The following F8 variants were observed in gnomAD, a reference collection of about 807,000 sequenced individuals.
The protein encoded by F8 is coagulation factor VIII, also known as antihemophilic factor.
F8 carries 12 observed loss-of-function variants against 140.6 expected under a neutral mutation model. The ratio of observed to expected loss-of-function variants is 0.09; its 90% CI spans 0.05 to 0.14. The LOEUF (loss-of-function observed/expected upper bound fraction) is 0.14, where lower values mean the gene tolerates loss of function less well. Among genes scored for constraint, F8 ranks in the 10% least tolerant of loss-of-function variants. The probability of loss-of-function intolerance (pLI) is 1.00; values close to 1 mark genes in which losing one functional copy is unlikely to be tolerated. For synonymous variants in F8, 585 were observed against 614.6 expected (o/e 0.95, Z 0.71); for missense variants, 1,354 against 1,720.7 (o/e 0.79, Z 3.77).
intron 18 of F8, among the ~76,000 whole-genome samples, chrX:154,902,878 TG>T (rs1557276055): frequency 4.5e-5 from 5 of 112,050 alleles, no homozygotes; most frequent in Admixed American, 2.8e-4. Flanking sequence ...AAAGGGGTTG[TG>T]GGGAAGCACG....
chrX:154,957,202 A>G (rs782364926), intron 10 of F8, 31 bp from the exon 11 acceptor site: 7 of 1,047,929 alleles, frequency 6.7e-6, no homozygotes, highest in Non-Finnish European at 9.3e-6. Context: ...AAATAGCTCA[A>G]TTAGAGTACA....
At chrX:155,003,521 T>C (rs1349341553) in intron 1 of F8, among the ~76,000 whole-genome samples, 1 of 109,320 alleles carries the variant, frequency 9.1e-6, no homozygotes, top group African/African-American at 3.3e-5. Context: ...AGTTGTAACA[T>C]ACACATAATG....
intron 12 of F8, among the ~76,000 whole-genome samples, chrX:154,950,340 T>C (rs2073330843): frequency 8.9e-6 from 1 of 112,020 alleles, no homozygotes; most frequent in Non-Finnish European, 1.9e-5. Flanking sequence ...AGAGTTCTCA[T>C]TACTCTACAT....
intron 22 of F8, among the ~76,000 whole-genome samples, chrX:154,893,599 T>A (rs1263050785): frequency 9.0e-6 from 1 of 111,253 alleles, no homozygotes; most frequent in African/African-American, 3.3e-5. Context: ...AAACTCTGAT[T>A]TTTTTTTATC....
intron 14 of F8, among the ~76,000 whole-genome samples, chrX:154,916,708 A>G: frequency 9.0e-6 from 1 of 111,157 alleles, no homozygotes; most frequent in Non-Finnish European, 1.9e-5. Context: ...TAGTCTAGCT[A>G]AAGATTTTAA....
intron 23 of F8, among the ~76,000 whole-genome samples, 199 bp from the exon 24 acceptor site, chrX:154,862,065 C>T (rs1168800169): frequency 2.7e-5 from 3 of 110,905 alleles, no homozygotes; most frequent in African/African-American, 9.9e-5. Flanking sequence ...CTCGCTTTGT[C>T]ACCCAGGCTG....
chrX:154,853,089 C>A (rs782067292), intron 25 of F8, among the ~76,000 whole-genome samples: 6 of 110,273 alleles, frequency 5.4e-5, no homozygotes, highest in Non-Finnish European at 7.6e-5. Context: ...GTCTTCAGAC[C>A]AGACAGTTCT....
rs138183956 is a variant in F8 at position 154,930,938 on chromosome X, G to C, written c.2852C>G (p.Ser951Cys). 14 of 1,195,403 alleles carry C rather than the reference G, an allele frequency of 1.2e-5. No individual in the cohort carries two copies. The highest frequency in any genetic ancestry group is 1.6e-5 in the Non-Finnish European group (14 of 888,902). Residue 951 changes from serine (S) to cysteine (C), a missense_variant, in exon 14 of 26, where the codon TCT becomes TGT. By Grantham distance (112) the Ser-to-Cys change is moderately radical. This residue lies in a region of F8 where 658 missense variants were observed against 666.5 expected (regional missense o/e 0.99). Coordinates refer to ENST00000360256, the MANE Select transcript of F8 (RefSeq NM_000132.4). ...TTCACTCAAGCTCAGAGGTCCACCA[G>C]ACTCAGTAAGGGGAGATGACTTTTT... ...FGKKSSPLTE[S>C]GGPLSLSEEN...
At chrX:154,845,143 C>G (rs1383595878) in intron 25 of F8, among the ~76,000 whole-genome samples, 1 of 111,540 alleles carries the variant, frequency 9.0e-6, no homozygotes, top group Non-Finnish European at 1.9e-5. Flanking sequence ...AGATGAAGCC[C>G]ACTTGATCAT....
At position 154,926,465 on chromosome X, in the gene F8, T is replaced by A. The variant is rs189291119; in HGVS notation, c.5219+2106A>T. 6.4e-3 allele frequency among the ~76,000 whole-genome samples: 711 copies of A among 111,940 alleles called. 5 individuals are homozygous for A. Among genetic ancestry groups the A allele is most frequent in the South Asian group, 0.01 (27 of 2,650 alleles). Reference sequence around the variant, plus strand: ...ATCTCAGCTCACTGCAACCTCCGTCTCCCCAGTTCAAGCGATTCTCGTGCC... The same window carrying A: ...ATCTCAGCTCACTGCAACCTCCGTCACCCCAGTTCAAGCGATTCTCGTGCC... On this transcript the variant is annotated intron_variant, in intron 14 of 25. Transcript: ENST00000360256.
At chrX:154,906,346 G>T in intron 15 of F8, 74 bp downstream of exon 15, 1 of 978,824 alleles carries the variant, frequency 1.0e-6, no homozygotes, top group Non-Finnish European at 1.4e-6. Flanking sequence ...TCCAAAAGTG[G>T]GAATACATTA....
At position 154,864,387 on chromosome X, in the gene F8, C is replaced by T. The variant is rs28739576; in HGVS notation, c.6430-1160G>A. 7.4e-3 allele frequency among the ~76,000 whole-genome samples: 830 copies of T among 112,614 alleles called. 12 individuals carry two copies. The highest frequency in any genetic ancestry group is 0.024 in the African/African-American group (754 of 30,997). ...AGAGGTGTCAGCTCACTCCAATGCACAGATACCAATGCTAGGCTATGTGGA... is the reference window on the plus strand; with the variant it reads ...AGAGGTGTCAGCTCACTCCAATGCATAGATACCAATGCTAGGCTATGTGGA... On this transcript the variant is annotated intron_variant, in intron 22 of 25. Transcript: ENST00000360256.
chrX:155,014,502 A>G (rs1603437490), intron 1 of F8, among the ~76,000 whole-genome samples: 2 of 112,376 alleles, frequency 1.8e-5, no homozygotes, highest in African/African-American at 6.5e-5. Context: ...CTTTATTTGC[A>G]GACAACATTA....
chrX:154,876,083 A>C (rs1375451861), intron 22 of F8, among the ~76,000 whole-genome samples: 2 of 107,671 alleles, frequency 1.9e-5, no homozygotes, highest in African/African-American at 6.8e-5. Flanking sequence ...TAAGTCTATT[A>C]TATGATCACA....
At chrX:154,997,483 G>T (rs911615795) in intron 2 of F8, among the ~76,000 whole-genome samples, 1 of 112,231 alleles carries the variant, frequency 8.9e-6, no homozygotes, top group Non-Finnish European at 1.9e-5. Context: ...GATGAGGCAG[G>T]AGGTAGAGGA....
At chrX:154,981,124 C>T (rs1448161500) in intron 6 of F8, among the ~76,000 whole-genome samples, 1 of 111,271 alleles carries the variant, frequency 9.0e-6, no homozygotes, top group Non-Finnish European at 1.9e-5. Flanking sequence ...GTGTAAAAAC[C>T]GTGGGTCCAT....
Position 154,928,812 on chromosome X carries a change from G to C in F8, c.4978C>G (p.Pro1660Ala). The C allele has an allele frequency of 8.3e-7, 1 of 1,211,560 alleles. No homozygotes were observed. The highest frequency in any genetic ancestry group is 1.7e-5 in the African/African-American group (1 of 57,822). ...TCCCGTTGATGGCGTTTCAAGACTG[G>C]TGGGTTTTGAGAGCACAGCCTTTCA... ...RTERLCSQNP[P>A]VLKRHQREIT... Residue 1660 changes from proline (P) to alanine (A), a missense_variant, in exon 14 of 26, where the codon CCA (proline) becomes GCA (alanine). Physicochemically the swap from Pro to Ala is conservative, Grantham distance 27. Coordinates refer to ENST00000360256, the MANE Select transcript of F8 (RefSeq NM_000132.4).
chrX:154,878,428 C>CAAAAAAA (rs57418004), intron 22 of F8, among the ~76,000 whole-genome samples: 3 of 26,727 alleles, frequency 1.1e-4, no homozygotes, highest in Admixed American at 5.4e-4. Flanking sequence ...TTTTCATGAC[C>CAAAAAAA]AAAAAAAAAA....
chrX:154,901,474 G>C lies in F8; in HGVS notation c.6116-32C>G, dbSNP rs781869435. The stretch of plus-strand genomic sequence containing the variant: ...TGAAACGGGTGGAACACAGTAACTA[G>C]AAGTGCACAAAATTCAGCTTCTCAA... On this transcript the variant is annotated intron_variant, in intron 19 of 25. Coordinates refer to ENST00000360256, the MANE Select transcript of F8 (RefSeq NM_000132.4). 18 of 969,733 alleles carry C rather than the reference G, an allele frequency of 1.9e-5. No individual in the cohort carries two copies. The East Asian group carries it at 5.5e-4, about 30-fold the overall frequency. 79.9% of individuals were successfully genotyped at this position (969,733 alleles called of 1,213,427 possible). A position where few individuals can be genotyped will look rare whatever the true frequency, so the allele number is the denominator to read the frequency against.
Sources: gnomAD v4.1 joint callset for allele counts (sites outside exome capture counted in the v4.1 genomes callset) on GRCh38, gnomAD v4.1.1 for gene constraint, gnomAD v4.1.1 regional missense constraint, MANE v1.5 for transcripts, NCBI Gene and HGNC (gene_info 2026-07-23, HGNC 2026-07-21) for gene names.